The following SYT11 variants were observed in gnomAD, a reference collection of about 807,000 sequenced individuals.
SYT11 encodes synaptotagmin-11.
Under a neutral mutation model 30.4 loss-of-function variants are expected in SYT11, and 12 were observed. The ratio of observed to expected loss-of-function variants is 0.39; its 90% CI spans 0.25 to 0.64. SYT11 has a LOEUF of 0.64. SYT11 is among the 30% of genes least tolerant of loss of function. SYT11 has a pLI of 0.45. For missense variants in SYT11, 412 were observed against 552.0 expected, an observed-to-expected ratio of 0.75 and a Z score of 2.54; for synonymous variants, 204 against 216.0, an observed-to-expected ratio of 0.94 and a Z score of 0.49.
intron 1 of SYT11, among the ~76,000 whole-genome samples, chr1:155,861,486 A>G (rs1672590175): frequency 6.6e-6 from 1 of 152,238 alleles, no homozygotes; most frequent in African/African-American, 2.4e-5. Flanking sequence ...TACATACTAC[A>G]TTTTATTTAA....
In SYT11 at chr1:155,881,443, T is replaced by A; in HGVS notation, c.1231T>A (p.Trp411Arg). 1 of 1,613,668 alleles carries A rather than the reference T, an allele frequency of 6.2e-7. No homozygotes were observed. Among genetic ancestry groups the A allele is most frequent in the Non-Finnish European group, 8.5e-7 (1 of 1,179,792 alleles). Residue 411 changes from tryptophan to arginine, a missense_variant, in exon 4 of 4, where the codon TGG (tryptophan) becomes AGG (arginine). Trp to Arg is a moderately radical substitution (Grantham distance 101). Transcript: ENST00000368324. ...HSVTASGAEH[W>R]REVCESPRKP... is the part of the protein sequence containing the mutation. Reference sequence around the variant, plus strand: ...TGTCACAGCCAGTGGTGCTGAACACTGGAGAGAGGTCTGCGAGAGCCCCCG... The same window carrying A: ...TGTCACAGCCAGTGGTGCTGAACACAGGAGAGAGGTCTGCGAGAGCCCCCG...
rs137959271 is a variant in SYT11 at position 155,868,134 on chromosome 1, C to T, written c.204C>T (p.Thr68=). The T allele has an allele frequency of 1.6e-4, 257 of 1,614,036 alleles. 2 individuals carry two copies. The African/African-American group carries it at 3.3e-3, about 20-fold the overall frequency. ...MLKGISIYPE[T]LSNKKKIIKV... ...AAGGCATCAGCATATACCCAGAGACCCTCAGCAACAAGAAGAAAATCATCA... is the reference window on the plus strand; with the variant it reads ...AAGGCATCAGCATATACCCAGAGACTCTCAGCAACAAGAAGAAAATCATCA... Residue 68 remains threonine (T), a synonymous_variant, in exon 2 of 4, where the codon ACC becomes ACT. Coordinates refer to ENST00000368324, the MANE Select transcript of SYT11 (RefSeq NM_152280.5). This position sits in a 1 kb window ranked among gnomAD's most constrained non-coding sequence, Gnocchi z 4.7.
Position 155,859,801 on chromosome 1 carries a change from T to G in SYT11, c.34+6T>G, listed in dbSNP as rs539789784. 3.8e-5 allele frequency: 62 copies of G among 1,613,798 alleles called. No individual in the cohort carries two copies. Among genetic ancestry groups the G allele is most frequent in the Non-Finnish European group, 4.8e-5 (57 of 1,179,794 alleles). ...CAATATCCGACCTAGCTTTGGTAAGTAGACTCGGGAAAACTAAGCTTGAGG... is the reference window on the plus strand; with the variant it reads ...CAATATCCGACCTAGCTTTGGTAAGGAGACTCGGGAAAACTAAGCTTGAGG... On this transcript the variant is annotated splice_donor_region_variant and intron_variant, in intron 1 of 3. Transcript: ENST00000368324.
intron 2 of SYT11, among the ~76,000 whole-genome samples, chr1:155,871,717 C>T (rs1023235687): frequency 1.1e-4 from 16 of 152,282 alleles, no homozygotes; most frequent in African/African-American, 9.6e-5. Flanking sequence ...GGAGAAGGCC[C>T]GAGATAGGTT....
At chr1:155,880,707 A>C (rs1672946246) in intron 3 of SYT11, 84 bp downstream of exon 3, 1 of 1,520,204 alleles carries the variant, frequency 6.6e-7, no homozygotes, top group Admixed American at 1.8e-5. Flanking sequence ...TCCACACTTC[A>C]AGATCCTTGC....
At position 155,868,719 on chromosome 1, in the gene SYT11, G is replaced by A; in HGVS notation, c.789G>A (p.Val263=). ...SRDDVIGEVM[V]PLAGVDPSTG... ...ATGATGTCATTGGCGAGGTCATGGT[G>A]CCACTGGCAGGGGTGGACCCCAGCA... Residue 263 remains valine, a synonymous_variant, in exon 2 of 4, where the codon GTG becomes GTA. Coordinates refer to ENST00000368324, the MANE Select transcript of SYT11 (RefSeq NM_152280.5). The surrounding 1 kb of genome is among the most constrained non-coding windows in gnomAD (Gnocchi z 4.7). The A allele has an allele frequency of 6.2e-7, 1 of 1,614,226 alleles. No individual in the cohort carries two copies. The highest frequency in any genetic ancestry group is 1.7e-5 in the Admixed American group (1 of 60,026).
rs822522 is a variant in SYT11 at position 155,868,074 on chromosome 1, G to C, written c.144G>C (p.Gln48His). The C allele has an allele frequency of 0.99, 1,602,748 of 1,613,972 alleles. 796,473 individuals carry two copies. The highest frequency in any genetic ancestry group is 1 in the East Asian group (44,861 of 44,862). The change falls in exon 2 of 4, where the codon CAG becomes CAC. Residue 48 changes from glutamine to histidine, a missense_variant. Coordinates refer to ENST00000368324, the MANE Select transcript of SYT11 (RefSeq NM_152280.5). The surrounding 1 kb of genome is among the most constrained non-coding windows in gnomAD (Gnocchi z 4.7). ...SCCHQQAEKK[Q>H]KNPPYKFIHM... ...GCCACCAGCAGGCAGAGAAGAAGCAGAAGAACCCACCATACAAGTTTATTC... is the reference window on the plus strand; with the variant it reads ...GCCACCAGCAGGCAGAGAAGAAGCACAAGAACCCACCATACAAGTTTATTC...
chr1:155,868,855 A>C lies in SYT11; in HGVS notation c.861+64A>C. On this transcript the variant is annotated intron_variant, in intron 2 of 3. Transcript: ENST00000368324. The surrounding 1 kb of genome is among the most constrained non-coding windows in gnomAD (Gnocchi z 4.7). ...GGGGGAGAAAATATCTCAGGGGATA[A>C]ATGGAAGTGGGAGGGGAGTGGGTTG... The C allele has an allele frequency of 1.3e-6, 2 of 1,486,134 alleles. No homozygotes were observed. Among genetic ancestry groups the C allele is most frequent in the Admixed American group, 3.9e-5 (2 of 51,840 alleles). The allele number at this position is 1,486,134 out of a possible 1,614,324, so 92.1% of individuals were successfully genotyped here.
At chr1:155,862,529 C>T (rs1458987404) in intron 1 of SYT11, among the ~76,000 whole-genome samples, 2 of 152,172 alleles carry the variant, frequency 1.3e-5, no homozygotes, top group African/African-American at 4.8e-5. Flanking sequence ...CTTCTCTATC[C>T]TCCTGGAATA....
chr1:155,865,602 T>C (rs1672659849), intron 1 of SYT11, among the ~76,000 whole-genome samples: 1 of 148,994 alleles, frequency 6.7e-6, no homozygotes, highest in Admixed American at 6.7e-5. Context: ...TACTTTAGCC[T>C]GGGCAACAAG....
chr1:155,878,799 G>A (rs71628696), intron 2 of SYT11, among the ~76,000 whole-genome samples: 5 of 151,670 alleles, frequency 3.3e-5, no homozygotes, highest in East Asian at 2.0e-4. Context: ...CCTGGGAGGC[G>A]GAGGTTGCAG....
rs1464573513 is a variant in SYT11 at position 155,859,786 on chromosome 1, C to T, written c.25C>T (p.Pro9Ser). 3 of 1,614,160 alleles carry T rather than the reference C, an allele frequency of 1.9e-6. No homozygotes were observed. The highest frequency in any genetic ancestry group is 2.5e-6 in the Non-Finnish European group (3 of 1,179,992). Residue 9 changes from proline to serine, a missense_variant, in exon 1 of 4, where the codon CCT (proline) becomes TCT (serine). Pro to Ser is a moderately conservative substitution (Grantham distance 74, BLOSUM62 -1). Transcript: ENST00000368324. ...CATGGCTGAGATCACCAATATCCGA[C>T]CTAGCTTTGGTAAGTAGACTCGGGA... is the stretch of plus-strand genomic sequence containing the variant. MAEITNIR[P>S]SFDVSPVVAG...
Position 155,862,909 on chromosome 1 carries a change from G to A in SYT11, c.34+3114G>A, listed in dbSNP as rs549053555. On this transcript the variant is annotated intron_variant, in intron 1 of 3. Transcript: ENST00000368324. Reference sequence around the variant, plus strand: ...TCTTAATGGCAACTGAATCCAATTAGTTGTTCAACCAAATATTTACTGAAC... The same window carrying A: ...TCTTAATGGCAACTGAATCCAATTAATTGTTCAACCAAATATTTACTGAAC... Among the ~76,000 whole-genome samples, 191 of 152,276 alleles carry A rather than the reference G, an allele frequency of 1.3e-3. 1 individual carries two copies. The highest frequency in any genetic ancestry group is 4.4e-3 in the African/African-American group (183 of 41,556).
chr1:155,880,414 CAG>C lies in SYT11; in HGVS notation c.862-84_862-83del, dbSNP rs1672941425. Reference sequence around the variant, plus strand: ...TATCATCCCTGCACTTGTCCTCCCCCAGACTCTTCCCACTGCTCTGCACACTT... The same window carrying C: ...TATCATCCCTGCACTTGTCCTCCCCCACTCTTCCCACTGCTCTGCACACTT... On this transcript the variant is annotated intron_variant, in intron 2 of 3. Coordinates refer to ENST00000368324, the MANE Select transcript of SYT11 (RefSeq NM_152280.5). 4 of 1,544,336 alleles carry C rather than the reference CAG, an allele frequency of 2.6e-6. 1 individual carries two copies. In the East Asian group the frequency reaches 9.2e-5, roughly 35 times the overall value.
chr1:155,868,940 G>C lies in SYT11; in HGVS notation c.861+149G>C. The C allele has an allele frequency of 1.3e-6, 1 of 769,550 alleles. No homozygotes were observed. The highest frequency in any genetic ancestry group is 1.9e-5 in the South Asian group (1 of 53,560). 47.7% of individuals were successfully genotyped at this position (769,550 alleles called of 1,614,324 possible). On this transcript the variant is annotated intron_variant, in intron 2 of 3. Transcript: ENST00000368324. This position sits in a 1 kb window ranked among gnomAD's most constrained non-coding sequence, Gnocchi z 4.7. The stretch of plus-strand genomic sequence containing the variant: ...GGATGTCAAGGATAAGCAGTGGTCA[G>C]AGTAAGACAGAGGGCCTGGCAGATG...
chr1:155,867,892 G>T, intron 1 of SYT11, 73 bp from the exon 2 acceptor site: 1 of 1,130,396 alleles, frequency 8.8e-7, no homozygotes, highest in Non-Finnish European at 1.3e-6. Flanking sequence ...TCCAGCAGTG[G>T]CAATGAGCAG....
At chr1:155,870,170 G>A (rs1672759524) in intron 2 of SYT11, among the ~76,000 whole-genome samples, 1 of 152,212 alleles carries the variant, frequency 6.6e-6, no homozygotes, top group Admixed American at 6.6e-5. Flanking sequence ...AGAGTTTCAT[G>A]TCTTTTTCAG....
intron 2 of SYT11, among the ~76,000 whole-genome samples, chr1:155,877,610 G>C (rs1672886048): frequency 6.7e-6 from 1 of 149,618 alleles, no homozygotes; most frequent in South Asian, 2.1e-4. Flanking sequence ...CCGGAGTGCA[G>C]TGGCGCAATC....
In SYT11 at chr1:155,882,446, G is replaced by A. The variant is rs1672994810; in HGVS notation, c.*938G>A. On this transcript the variant is annotated 3_prime_UTR_variant, in exon 4 of 4. Transcript: ENST00000368324. ...GATGAGGCAAGGTTTGCAGGAGAAA[G>A]AGGAATTGAGAAATGGGGTATTTTT... 1 of 152,352 alleles carries A rather than the reference G, an allele frequency of 6.6e-6. No individual in the cohort carries two copies. Among genetic ancestry groups the A allele is most frequent in the Non-Finnish European group, 1.5e-5 (1 of 68,044 alleles). The allele number at this position is 152,352 out of a possible 1,614,324, so 9.4% of individuals were successfully genotyped here.
Sources: gnomAD v4.1 joint callset for allele counts (sites outside exome capture counted in the v4.1 genomes callset) on GRCh38, gnomAD v4.1.1 for gene constraint, Gnocchi (gnomAD v3.1) non-coding constraint, MANE v1.5 for transcripts, NCBI Gene and HGNC (gene_info 2026-07-23, HGNC 2026-07-21) for gene names.